ATMIN: variants seen among roughly 807,000 people sequenced by gnomAD.
The protein encoded by ATMIN is ATM interactor.
A neutral mutation model predicts 49.2 loss-of-function variants in ATMIN; 24 were observed. The observed-to-expected ratio is 0.49, with a 90% CI of 0.35 to 0.69. The LOEUF is 0.69. Among genes scored for constraint, ATMIN ranks in the 30% least tolerant of loss-of-function variants. ATMIN has a pLI of 0.00. For synonymous variants in ATMIN, 450 were observed against 392.5 expected, an observed-to-expected ratio of 1.15 and a Z score of -1.73; for missense variants, 1,037 against 1,005.5, an observed-to-expected ratio of 1.03 and a Z score of -0.42.
In ATMIN at chr16:81,043,359, A is replaced by G; in HGVS notation, c.861A>G (p.Pro287=). 7 of 1,614,052 alleles carry G rather than the reference A, an allele frequency of 4.3e-6. No homozygotes were observed. The highest frequency in any genetic ancestry group is 5.9e-6 in the Non-Finnish European group (7 of 1,180,004). ...SNTDKQTLTT[P]PRYPQKLLLP... is the part of the protein sequence containing the mutation. The stretch of plus-strand genomic sequence containing the variant: ...CTGACAAGCAGACTCTTACAACACC[A>G]CCGAGATATCCTCAGAAGTTGCTTT... Residue 287 remains proline, a synonymous_variant, in exon 4 of 4, where the codon CCA becomes CCG. Coordinates refer to ENST00000299575, the MANE Select transcript of ATMIN (RefSeq NM_015251.3).
Position 81,044,412 on chromosome 16 carries a change from C to G in ATMIN, c.1914C>G (p.Ile638Met), listed in dbSNP as rs150501808. 5.2e-5 allele frequency: 84 copies of G among 1,613,998 alleles called. No individual in the cohort carries two copies. The highest frequency in any genetic ancestry group is 6.9e-5 in the Non-Finnish European group (82 of 1,180,014). The change falls in exon 4 of 4, where the codon ATC (isoleucine) becomes ATG (methionine). Residue 638 changes from isoleucine to methionine, a missense_variant. By Grantham distance (10) the Ile-to-Met change is conservative. Transcript: ENST00000299575. ...AGAACCCCGGAATCGATTTTGATATCGAAGAGTTCTTTTCGGCCTCAAATA... is the reference window on the plus strand; with the variant it reads ...AGAACCCCGGAATCGATTTTGATATGGAAGAGTTCTTTTCGGCCTCAAATA... ...PAQNPGIDFD[I>M]EEFFSASNIQ...
rs531235725 is a variant in ATMIN, at chr16:81,041,290, G to A, written c.337-66G>A. 41 of 1,511,482 alleles carry A rather than the reference G, an allele frequency of 2.7e-5. No homozygotes were observed. In the East Asian group the frequency reaches 4.3e-4, roughly 16 times the overall value. 93.6% of individuals were successfully genotyped at this position (1,511,482 alleles called of 1,614,324 possible). On this transcript the variant is annotated intron_variant, in intron 1 of 3. Coordinates refer to ENST00000299575, the MANE Select transcript of ATMIN (RefSeq NM_015251.3). ...AAATGTGCTCGTTTTCAGTCATTCC[G>A]TTTCCACTCCAGCCTGTTGTGTTGT...
chr16:81,039,148 A>G (rs1970997497), intron 1 of ATMIN, among the ~76,000 whole-genome samples: 1 of 152,134 alleles, frequency 6.6e-6, no homozygotes. Context: ...AGGTAGGGGT[A>G]AGGACAAGGA....
At chr16:81,040,427 T>G (rs535398306) in intron 1 of ATMIN, 11 of 152,340 alleles carry the variant, frequency 7.2e-5, no homozygotes, top group Middle Eastern at 3.4e-3. Context: ...GTGAGGTTAT[T>G]AACATCCACT....
chr16:81,038,635 G>C lies in ATMIN; in HGVS notation c.336+2429G>C, dbSNP rs553036795. Among the ~76,000 whole-genome samples, 8 of 152,268 alleles carry C rather than the reference G, an allele frequency of 5.3e-5. No homozygotes were observed. In the East Asian group the frequency reaches 1.4e-3, roughly 26 times the overall value. On this transcript the variant is annotated intron_variant, in intron 1 of 3. Coordinates refer to ENST00000299575, the MANE Select transcript of ATMIN (RefSeq NM_015251.3). ...TCTATATGATGGTGCCCAGTATGGA[G>C]ATCTGTACCTTGTCTGGTTACTACA...
chr16:81,043,718 G>C lies in ATMIN; in HGVS notation c.1220G>C (p.Ser407Thr). The change falls in exon 4 of 4, where the codon AGC becomes ACC. Residue 407 changes from serine (S) to threonine (T), a missense_variant. Coordinates refer to ENST00000299575, the MANE Select transcript of ATMIN (RefSeq NM_015251.3). ...CTAGGGAACACGTGTCAAAAGAATA[G>C]CATTTCTTCAATCAACGTGCAGACA... The part of the protein sequence containing the change: ...QELGNTCQKN[S>T]ISSINVQTDL... The C allele has an allele frequency of 3.7e-6, 6 of 1,614,230 alleles. No homozygotes were observed. Among genetic ancestry groups the C allele is most frequent in the Non-Finnish European group, 4.2e-6 (5 of 1,180,044 alleles).
Position 81,045,213 on chromosome 16 carries a change from C to A in ATMIN, c.*243C>A. ...GTTGCCTACATTTGCCTTTTCACAGCTAGTCTTTTCATGTTAAAAAAAAAA... is the reference window on the plus strand; with the variant it reads ...GTTGCCTACATTTGCCTTTTCACAGATAGTCTTTTCATGTTAAAAAAAAAA... On this transcript the variant is annotated 3_prime_UTR_variant, in exon 4 of 4. Coordinates refer to ENST00000299575, the MANE Select transcript of ATMIN (RefSeq NM_015251.3). 1 of 453,794 alleles carries A rather than the reference C, an allele frequency of 2.2e-6. No individual in the cohort carries two copies. The highest frequency in any genetic ancestry group is 3.7e-6 in the Non-Finnish European group (1 of 271,958). The allele number at this position is 453,794 out of a possible 1,614,324, so 28.1% of individuals were successfully genotyped here.
In ATMIN at chr16:81,044,815, G is replaced by C. The variant is rs770593221; in HGVS notation, c.2317G>C (p.Glu773Gln). 12 of 1,614,070 alleles carry C rather than the reference G, an allele frequency of 7.4e-6. No individual in the cohort carries two copies. In the South Asian group the frequency reaches 9.9e-5, roughly 13 times the overall value. ...TETQTMSSGFETLGSLFFTSN... is the reference protein window; with the variant it reads ...TETQTMSSGFQTLGSLFFTSN... ...AACACAGACCATGAGTTCTGGGTTT[G>C]AAACCCTGGGGAGCTTGTTCTTCAC... Residue 773 changes from glutamate to glutamine, a missense_variant, in exon 4 of 4, where the codon GAA becomes CAA. Transcript: ENST00000299575.
In ATMIN at chr16:81,044,439, C is replaced by T; in HGVS notation, c.1941C>T (p.Ile647=). The change falls in exon 4 of 4, where the codon ATC becomes ATT. Residue 647 remains isoleucine, a synonymous_variant. Transcript: ENST00000299575. The part of the protein sequence containing the change: ...DIEEFFSASN[I]QTQTEESELS... ...AAGAGTTCTTTTCGGCCTCAAATATCCAGACTCAAACTGAAGAGAGTGAAC... is the reference window on the plus strand; with the variant it reads ...AAGAGTTCTTTTCGGCCTCAAATATTCAGACTCAAACTGAAGAGAGTGAAC... 1 of 1,614,116 alleles carries T rather than the reference C, an allele frequency of 6.2e-7. No homozygotes were observed. The highest frequency in any genetic ancestry group is 8.5e-7 in the Non-Finnish European group (1 of 1,180,016).
chr16:81,041,264 A>C, intron 1 of ATMIN, 92 bp from the exon 2 acceptor site: 4 of 1,382,758 alleles, frequency 2.9e-6, no homozygotes, highest in Non-Finnish European at 3.9e-6. Context: ...AGTATTTCAC[A>C]AAATGTGCTC....
chr16:81,047,132 GA>G lies in ATMIN; in HGVS notation c.*2167del, dbSNP rs1971134844. 1 of 152,532 alleles carries G rather than the reference GA, an allele frequency of 6.6e-6. No homozygotes were observed. The highest frequency in any genetic ancestry group is 6.5e-5 in the Admixed American group (1 of 15,276). 9.4% of individuals were successfully genotyped at this position (152,532 alleles called of 1,614,324 possible). On this transcript the variant is annotated 3_prime_UTR_variant, in exon 4 of 4. Coordinates refer to ENST00000299575, the MANE Select transcript of ATMIN (RefSeq NM_015251.3). ...CTAGCCAATAGAGTCATTTACAGAA[GA>G]AAAATGAGCATGTAATAATACAAGA...
intron 2 of ATMIN, 148 bp from the exon 3 acceptor site, chr16:81,042,133 C>T (rs957304505): frequency 2.8e-6 from 2 of 708,286 alleles, no homozygotes; most frequent in Non-Finnish European, 4.8e-6. Flanking sequence ...GATGTTCCTG[C>T]TTTTACATTC....
At chr16:81,039,043 G>A (rs901105832) in intron 1 of ATMIN, among the ~76,000 whole-genome samples, 3 of 152,148 alleles carry the variant, frequency 2.0e-5, no homozygotes, top group African/African-American at 7.2e-5. Flanking sequence ...TGATCCGCCC[G>A]CTTCAGCCTC....
intron 1 of ATMIN, among the ~76,000 whole-genome samples, chr16:81,039,553 A>C (rs924750954): frequency 6.6e-6 from 1 of 152,316 alleles, no homozygotes; most frequent in South Asian, 2.1e-4. Flanking sequence ...CATATTCCAT[A>C]TCCTGTAAGG....
Position 81,045,135 on chromosome 16 carries a change from TATAA to T in ATMIN, c.*168_*171del, listed in dbSNP as rs1971097857. The T allele has an allele frequency of 1.1e-6, 1 of 916,146 alleles. No individual in the cohort carries two copies. The highest frequency in any genetic ancestry group is 1.7e-5 in the African/African-American group (1 of 59,772). 56.8% of individuals were successfully genotyped at this position (916,146 alleles called of 1,614,324 possible). A position where few individuals can be genotyped will look rare whatever the true frequency, so the allele number is the denominator to read the frequency against. On this transcript the variant is annotated 3_prime_UTR_variant, in exon 4 of 4. Coordinates refer to ENST00000299575, the MANE Select transcript of ATMIN (RefSeq NM_015251.3). ...TTGTACTTGTAAACAGAAATTTGCG[TATAA>T]ATGTGAGTGTATTATAAAGTTTGAG... is the stretch of plus-strand genomic sequence containing the variant.
chr16:81,036,617 C>T (rs1407027888), intron 1 of ATMIN, among the ~76,000 whole-genome samples: 2 of 152,150 alleles, frequency 1.3e-5, no homozygotes, highest in Non-Finnish European at 2.9e-5. Context: ...GGCTTTAAAC[C>T]GGGGCCTCTG....
Position 81,041,486 on chromosome 16 carries a change from T to C in ATMIN, c.462+5T>C. On this transcript the variant is annotated splice_donor_5th_base_variant and intron_variant, in intron 2 of 3. Coordinates refer to ENST00000299575, the MANE Select transcript of ATMIN (RefSeq NM_015251.3). ...CAGTTTTCTCTCGTAAAACAGGTAC[T>C]CTCTACTCTGAGGATGAGATACAGA... 1 of 1,598,306 alleles carries C rather than the reference T, an allele frequency of 6.3e-7. No homozygotes were observed. Among genetic ancestry groups the C allele is most frequent in the Non-Finnish European group, 8.5e-7 (1 of 1,176,222 alleles).
chr16:81,036,164 C>T lies in ATMIN; in HGVS notation c.294C>T (p.Ser98=). The T allele has an allele frequency of 1.4e-6, 2 of 1,476,460 alleles. No homozygotes were observed. Among genetic ancestry groups the T allele is most frequent in the Non-Finnish European group, 1.8e-6 (2 of 1,108,564 alleles). 91.5% of individuals were successfully genotyped at this position (1,476,460 alleles called of 1,614,324 possible). Residue 98 remains serine, a synonymous_variant, in exon 1 of 4, where the codon AGC becomes AGT. Transcript: ENST00000299575. The part of the protein sequence containing the change: ...VRGCGKILPN[S]PALNMHLVKS... ...GCTGCGGCAAGATCCTGCCCAACAG[C>T]CCCGCGCTCAACATGCACCTAGTCA...
rs770681080 is a variant in ATMIN, at chr16:81,043,849, G to A, written c.1351G>A (p.Val451Met). The change falls in exon 4 of 4, where the codon GTG becomes ATG. Residue 451 changes from valine (V) to methionine (M), a missense_variant. By Grantham distance (21) the Val-to-Met change is conservative (BLOSUM62 1). Transcript: ENST00000299575. ...AACTGATTTGTCGTTTGATTCTCAAGTGTCTCTTCCCATTAGTGTTCACAC... is the reference window on the plus strand; with the variant it reads ...AACTGATTTGTCGTTTGATTCTCAAATGTCTCTTCCCATTAGTGTTCACAC... ...SQTDLSFDSQVSLPISVHTQT... is the reference protein window; with the variant it reads ...SQTDLSFDSQMSLPISVHTQT... The A allele has an allele frequency of 3.1e-6, 5 of 1,614,134 alleles. No homozygotes were observed. The highest frequency in any genetic ancestry group is 1.3e-5 in the African/African-American group (1 of 75,024).
Sources: allele counts gnomAD v4.1 joint callset (sites outside exome capture counted in the v4.1 genomes callset), GRCh38; gene constraint gnomAD v4.1.1; transcripts MANE v1.5; gene names NCBI Gene and HGNC (gene_info 2026-07-23, HGNC 2026-07-21).